Variants in DLGAP1 observed in about 807,000 individuals in gnomAD.
The protein encoded by DLGAP1 is DLG associated protein 1, also known as disks large-associated protein 1.
DLGAP1 carries 11 observed loss-of-function variants against 90.8 expected under a neutral mutation model. The observed-to-expected ratio is 0.12, with a 90% confidence interval of 0.08 to 0.20. The LOEUF (loss-of-function observed/expected upper bound fraction) is 0.20, where lower values mean the gene tolerates loss of function less well. DLGAP1 is among the 10% of genes least tolerant of loss of function. DLGAP1 has a pLI of 1.00. For missense variants in DLGAP1, 1,050 were observed against 1,333.8 expected, an observed-to-expected ratio of 0.79 and a Z score of 3.31; for synonymous variants, 558 against 540.7, an observed-to-expected ratio of 1.03 and a Z score of -0.44.
intron 3 of DLGAP1, chr18:3,895,899 A>G (rs772132267): frequency 5.9e-5 from 9 of 152,358 alleles, no homozygotes; most frequent in Middle Eastern, 3.4e-3. Context: ...AATTCTCGGT[A>G]TGTCACTGAA....
At chr18:3,989,960 G>A (rs553366323) in intron 3 of DLGAP1, among the ~76,000 whole-genome samples, 29 of 152,008 alleles carry the variant, frequency 1.9e-4, no homozygotes, top group South Asian at 4.2e-4. Flanking sequence ...TTAGAATGGC[G>A]ATCATTAAAA....
chr18:3,739,652 C>G (rs978960268), intron 6 of DLGAP1, among the ~76,000 whole-genome samples: 1 of 151,172 alleles, frequency 6.6e-6, no homozygotes, highest in Non-Finnish European at 1.5e-5. Flanking sequence ...GGGAGGGATA[C>G]CATTGGGAGA....
intron 1 of DLGAP1, among the ~76,000 whole-genome samples, chr18:4,225,420 C>T (rs370126846): frequency 2.6e-5 from 4 of 151,916 alleles, no homozygotes; most frequent in East Asian, 1.9e-4. Context: ...AGCATCAAGA[C>T]GATCCAGGAA....
intron 3 of DLGAP1, among the ~76,000 whole-genome samples, chr18:3,940,082 C>T (rs1024217411): frequency 6.6e-6 from 1 of 152,158 alleles, no homozygotes; most frequent in African/African-American, 2.4e-5. Flanking sequence ...TTGGCTTATT[C>T]CTTATTCTCT....
intron 1 of DLGAP1, among the ~76,000 whole-genome samples, chr18:4,244,001 T>G (rs1266645399): frequency 6.6e-6 from 1 of 152,170 alleles, no homozygotes; most frequent in Non-Finnish European, 1.5e-5. Flanking sequence ...CTTCATCGAT[T>G]ATTATTTTGC....
intron 10 of DLGAP1, among the ~76,000 whole-genome samples, chr18:3,532,767 A>G (rs2052095263): frequency 6.6e-6 from 1 of 152,192 alleles, no homozygotes; most frequent in Non-Finnish European, 1.5e-5. Context: ...AGGATCCACC[A>G]TTAATTTAAT....
chr18:4,434,931 T>C lies in DLGAP1; in HGVS notation c.-267+20075A>G, dbSNP rs1447283790. ...CAAACAAGCATAAAACCTCATGATG[T>C]AGAGGAGTATTAAGAGTTAAGGCTG... On this transcript the variant is annotated intron_variant, in intron 1 of 12. Transcript: ENST00000315677. Among the ~76,000 whole-genome samples, 3 of 152,222 alleles carry C rather than the reference T, an allele frequency of 2.0e-5. No homozygotes were observed. The East Asian group carries it at 5.8e-4, about 29-fold the overall frequency.
chr18:4,402,458 G>T (rs1464530726), intron 1 of DLGAP1, among the ~76,000 whole-genome samples: 1 of 152,068 alleles, frequency 6.6e-6, no homozygotes. Flanking sequence ...AAGTAACAAA[G>T]AAAATGCCTT....
At chr18:4,281,986 T>G (rs1042493131) in intron 1 of DLGAP1, among the ~76,000 whole-genome samples, 8 of 152,196 alleles carry the variant, frequency 5.3e-5, no homozygotes, top group African/African-American at 1.7e-4. Flanking sequence ...ACTTATAACT[T>G]TAAGAAATAT....
intron 10 of DLGAP1, among the ~76,000 whole-genome samples, chr18:3,532,405 C>T (rs1044104073): frequency 6.6e-6 from 1 of 151,786 alleles, no homozygotes; most frequent in African/African-American, 2.4e-5. Flanking sequence ...CATGGTGAAA[C>T]CCCGTCTCTA....
intron 4 of DLGAP1, among the ~76,000 whole-genome samples, chr18:3,841,948 T>C (rs1328748323): frequency 1.3e-5 from 2 of 152,028 alleles, no homozygotes; most frequent in Non-Finnish European, 2.9e-5. Context: ...CTACCTAAGA[T>C]AGAAGAAGCA....
intron 7 of DLGAP1, among the ~76,000 whole-genome samples, chr18:3,619,936 C>A (rs2058037131): frequency 1.3e-5 from 2 of 151,832 alleles, no homozygotes; most frequent in Non-Finnish European, 2.9e-5. Context: ...CCCACCTCAG[C>A]CTCCTAAGTA....
At chr18:3,525,688 T>G (rs971479695) in intron 10 of DLGAP1, among the ~76,000 whole-genome samples, 73 of 152,190 alleles carry the variant, frequency 4.8e-4, no homozygotes, top group African/African-American at 1.6e-3. Context: ...CATGAGCCAC[T>G]GCGCCCCACC....
rs574323927 is a variant in DLGAP1 at position 4,060,252 on chromosome 18, G to A, written c.-158-55051C>T. Reference sequence around the variant, plus strand: ...TGATAAATTTCTCTCTTGAGTTCAAGGGCTGCCTACTCTGTGCTAGTCTCC... The same window carrying A: ...TGATAAATTTCTCTCTTGAGTTCAAAGGCTGCCTACTCTGTGCTAGTCTCC... On this transcript the variant is annotated intron_variant, in intron 2 of 12. Transcript: ENST00000315677. Among the ~76,000 whole-genome samples the A allele has an allele frequency of 1.3e-4, 20 of 152,286 alleles. No individual in the cohort carries two copies. The South Asian group carries it at 2.9e-3, about 22-fold the overall frequency.
chr18:3,845,104 T>A (rs750444912), intron 4 of DLGAP1: 2 of 1,210,586 alleles, frequency 1.7e-6, no homozygotes, highest in Non-Finnish European at 2.3e-6. Context: ...CATCCCCAGT[T>A]CACAGACATC....
intron 2 of DLGAP1, among the ~76,000 whole-genome samples, chr18:4,063,208 CA>C (rs1202305856): frequency 6.6e-6 from 1 of 152,030 alleles, no homozygotes; most frequent in Non-Finnish European, 1.5e-5. Flanking sequence ...ATATATAATA[CA>C]GTAAAGTCAC....
intron 3 of DLGAP1, among the ~76,000 whole-genome samples, chr18:3,964,007 G>C (rs2073265137): frequency 6.6e-6 from 1 of 152,086 alleles, no homozygotes; most frequent in Non-Finnish European, 1.5e-5. Flanking sequence ...GTTGCTACTG[G>C]AAAATTTAAA....
At chr18:4,305,244 T>C (rs920053176) in intron 1 of DLGAP1, among the ~76,000 whole-genome samples, 2 of 150,638 alleles carry the variant, frequency 1.3e-5, no homozygotes, top group Admixed American at 1.3e-4. Context: ...AACAATAACA[T>C]GAAAAACCAG....
intron 2 of DLGAP1, among the ~76,000 whole-genome samples, chr18:4,122,410 G>A (rs9652948): frequency 4.6e-5 from 7 of 152,048 alleles, no homozygotes; most frequent in African/African-American, 7.3e-5. Flanking sequence ...GGCCTTTTCC[G>A]CCACGATTAC....
Sources: gnomAD v4.1 joint callset for allele counts (sites outside exome capture counted in the v4.1 genomes callset) on GRCh38, gnomAD v4.1.1 for gene constraint, MANE v1.5 for transcripts, NCBI Gene and HGNC (gene_info 2026-07-23, HGNC 2026-07-21) for gene names.